The following LINGO2 variants were observed in gnomAD, a reference collection of about 807,000 sequenced individuals.
LINGO2 encodes the protein leucine rich repeat and Ig domain containing 2.
In LINGO2, 14 loss-of-function variants were observed where a neutral mutation model predicts 30.6. The observed-to-expected ratio is 0.46, with a 90% CI of 0.30 to 0.72. LINGO2 has a LOEUF of 0.72. Ranked by LOEUF, LINGO2 falls within the 30% of genes least tolerant of loss-of-function variation. LINGO2 has a pLI of 0.07. For synonymous variants in LINGO2, 317 were observed against 288.5 expected, an observed-to-expected ratio of 1.10 and a Z score of -1.00; for missense variants, 729 against 751.7, an observed-to-expected ratio of 0.97 and a Z score of 0.35.
At chr9:28,019,409 AAG>A (rs1171159215) in intron 4 of LINGO2, among the ~76,000 whole-genome samples, 4 of 151,986 alleles carry the variant, frequency 2.6e-5, no homozygotes, top group African/African-American at 9.7e-5. Flanking sequence ...GAACCATGGA[AAG>A]AAACAAAGGA....
intron 3 of LINGO2, among the ~76,000 whole-genome samples, chr9:28,308,810 A>T (rs997533722): frequency 6.6e-6 from 1 of 152,192 alleles, no homozygotes; most frequent in African/African-American, 2.4e-5. Context: ...ACATTTATGC[A>T]GCCAAAAAAC....
chr9:28,990,951 A>T, the LINGO2 span, among the ~76,000 whole-genome samples: 1 of 152,244 alleles, frequency 6.6e-6, no homozygotes, highest in Non-Finnish European at 1.5e-5. Context: ...TCTAAAAAGC[A>T]GAGCACTTCT....
the LINGO2 span, among the ~76,000 whole-genome samples, chr9:28,891,662 C>G: frequency 1.1e-4 from 17 of 151,886 alleles, no homozygotes; most frequent in Non-Finnish European, 7.4e-5. Context: ...ATACCCATTC[C>G]TTGTACTTCT....
At chr9:29,049,295 T>C in the LINGO2 span, among the ~76,000 whole-genome samples, 1 of 152,144 alleles carries the variant, frequency 6.6e-6, no homozygotes, top group African/African-American at 2.4e-5. Flanking sequence ...AAATGGCTTA[T>C]ATCCAAAAGA....
At chr9:28,435,336 C>T (rs1823881539) in intron 2 of LINGO2, among the ~76,000 whole-genome samples, 1 of 152,104 alleles carries the variant, frequency 6.6e-6, no homozygotes, top group African/African-American at 2.4e-5. Flanking sequence ...AGAATCATGT[C>T]AAATTTTATT....
At chr9:28,509,211 T>C (rs1276365752) in intron 1 of LINGO2, among the ~76,000 whole-genome samples, 1 of 152,206 alleles carries the variant, frequency 6.6e-6, no homozygotes, top group Non-Finnish European at 1.5e-5. Flanking sequence ...TTCTAAAAAC[T>C]GAGTGTGGCT....
intron 2 of LINGO2, among the ~76,000 whole-genome samples, chr9:28,455,760 A>C (rs1824821359): frequency 6.6e-6 from 1 of 152,156 alleles, no homozygotes; most frequent in African/African-American, 2.4e-5. Context: ...GGCCTTCATT[A>C]GACAGCCTTC....
At chr9:28,649,449 C>T (rs10968701) in intron 1 of LINGO2, among the ~76,000 whole-genome samples, 19,259 of 152,018 alleles carry the variant, frequency 0.13, 1,432 homozygotes, top group East Asian at 0.31. Flanking sequence ...TTATAAATAG[C>T]TCATCCAGCA....
At chr9:28,168,055 G>A (rs971603764) in intron 4 of LINGO2, among the ~76,000 whole-genome samples, 2 of 152,166 alleles carry the variant, frequency 1.3e-5, no homozygotes, top group Admixed American at 1.3e-4. Flanking sequence ...TGGCCACAGT[G>A]ACTTGATTCT....
chr9:29,134,505 A>G, the LINGO2 span, among the ~76,000 whole-genome samples: 1 of 152,088 alleles, frequency 6.6e-6, no homozygotes, highest in East Asian at 1.9e-4. Context: ...GAAACCACAT[A>G]TATAATAGCC....
chr9:28,679,065 G>A, the LINGO2 span, among the ~76,000 whole-genome samples: 1 of 152,138 alleles, frequency 6.6e-6, no homozygotes, highest in East Asian at 1.9e-4. Flanking sequence ...TTGATATTGT[G>A]TTCACTCAGC....
chr9:29,092,491 T>C, the LINGO2 span, among the ~76,000 whole-genome samples: 2 of 152,028 alleles, frequency 1.3e-5, no homozygotes, highest in Non-Finnish European at 2.9e-5. Context: ...ACCTATAAAA[T>C]GTAATATTAT....
intron 4 of LINGO2, among the ~76,000 whole-genome samples, chr9:28,046,204 G>T (rs1476554115): frequency 6.6e-6 from 1 of 152,120 alleles, no homozygotes; most frequent in African/African-American, 2.4e-5. Context: ...TGCAGTATAC[G>T]ATTGATATTG....
At chr9:29,018,891 A>T in the LINGO2 span, among the ~76,000 whole-genome samples, 1 of 152,192 alleles carries the variant, frequency 6.6e-6, no homozygotes, top group African/African-American at 2.4e-5. Flanking sequence ...GGGACTATGT[A>T]CAGGCTGTGG....
the LINGO2 span, among the ~76,000 whole-genome samples, chr9:28,939,556 TATG>T: frequency 5.9e-5 from 9 of 152,254 alleles, no homozygotes; most frequent in African/African-American, 1.9e-4. Context: ...ATCTCTTCTA[TATG>T]ATATTTCCTA....
At position 28,581,007 on chromosome 9, in the gene LINGO2, G is replaced by A. The variant is rs557315729; in HGVS notation, c.-365+89193C>T. Among the ~76,000 whole-genome samples, 6 of 152,086 alleles carry A rather than the reference G, an allele frequency of 3.9e-5. No individual in the cohort carries two copies. In the East Asian group the frequency reaches 9.7e-4, roughly 25 times the overall value. On this transcript the variant is annotated intron_variant, in intron 1 of 5. Transcript: ENST00000379992. Reference sequence around the variant, plus strand: ...ATAAATCAATTCAGTGGGTGCATAGGGAGAGAAACGACAGTAACATAGTTT... The same window carrying A: ...ATAAATCAATTCAGTGGGTGCATAGAGAGAGAAACGACAGTAACATAGTTT...
chr9:29,029,950 T>C, the LINGO2 span, among the ~76,000 whole-genome samples: 6,268 of 152,100 alleles, frequency 0.041, 196 homozygotes, highest in Admixed American at 0.082. Flanking sequence ...ATTAGACTAG[T>C]TTAGAAATTC....
intron 4 of LINGO2, among the ~76,000 whole-genome samples, chr9:28,206,809 A>G (rs1184794608): frequency 6.6e-6 from 1 of 152,170 alleles, no homozygotes; most frequent in Non-Finnish European, 1.5e-5. Context: ...TTTGGAAGCA[A>G]TCTTCAATTA....
At chr9:28,861,029 T>A in the LINGO2 span, among the ~76,000 whole-genome samples, 1 of 127,426 alleles carries the variant, frequency 7.8e-6, no homozygotes, top group Non-Finnish European at 1.6e-5. Context: ...TATTATATAA[T>A]ACATATTATT....
Sources: gnomAD v4.1 joint callset for allele counts (sites outside exome capture counted in the v4.1 genomes callset) on GRCh38, gnomAD v4.1.1 for gene constraint, MANE v1.5 for transcripts, NCBI Gene and HGNC (gene_info 2026-07-23, HGNC 2026-07-21) for gene names.